Variants in RAD51B observed in about 807,000 individuals in gnomAD.
RAD51B encodes the protein RAD51 paralog B, also known as DNA repair protein RAD51 homolog 2.
In RAD51B, 38 loss-of-function variants were observed where a neutral mutation model predicts 42.2. The observed-to-expected ratio is 0.90, with a 90% CI of 0.70 to 1.18. The LOEUF (loss-of-function observed/expected upper bound fraction) is 1.18, where lower values mean the gene tolerates loss of function less well. RAD51B is among the 50% of genes most tolerant of loss of function. The pLI is 0.00. For missense variants in RAD51B, 373 were observed against 400.7 expected, an observed-to-expected ratio of 0.93 and a Z score of 0.59; for synonymous variants, 154 against 145.2, an observed-to-expected ratio of 1.06 and a Z score of -0.43.
chr14:68,124,381 T>C (rs985514105), intron 7 of RAD51B, among the ~76,000 whole-genome samples: 2 of 152,178 alleles, frequency 1.3e-5, no homozygotes, highest in African/African-American at 4.8e-5. Flanking sequence ...TTAAGAAGAC[T>C]TTGGGTGATT....
chr14:67,825,078 C>CAAAAA (rs56227529), intron 2 of RAD51B, among the ~76,000 whole-genome samples: 8 of 50,548 alleles, frequency 1.6e-4, no homozygotes, highest in South Asian at 1.3e-3. Flanking sequence ...ACTCTTGTCT[C>CAAAAA]AAAAAAAAAA....
At chr14:68,518,556 C>CA (rs1491116752) in intron 10 of RAD51B, among the ~76,000 whole-genome samples, 4 of 96,956 alleles carry the variant, frequency 4.1e-5, no homozygotes, top group South Asian at 3.7e-4. Context: ...TCATATGAGC[C>CA]CCCCCCCCAG....
intron 9 of RAD51B, among the ~76,000 whole-genome samples, chr14:68,439,878 CA>C (rs2085243497): frequency 6.6e-6 from 1 of 152,176 alleles, no homozygotes. Flanking sequence ...TGCACACATC[CA>C]AACCCTGCCC....
chr14:68,221,793 A>G (rs776257673), intron 7 of RAD51B, among the ~76,000 whole-genome samples: 1 of 152,240 alleles, frequency 6.6e-6, no homozygotes, highest in Non-Finnish European at 1.5e-5. Flanking sequence ...TATACATGTG[A>G]CAAAGGACTA....
chr14:68,287,832 C>CG (rs2081441871), intron 7 of RAD51B, among the ~76,000 whole-genome samples: 2 of 152,072 alleles, frequency 1.3e-5, no homozygotes, highest in Non-Finnish European at 2.9e-5. Context: ...TTCCATAGGC[C>CG]GGGTACTGTG....
intron 7 of RAD51B, among the ~76,000 whole-genome samples, chr14:68,149,300 CTA>C (rs947051542): frequency 5.3e-5 from 8 of 151,816 alleles, no homozygotes; most frequent in African/African-American, 1.7e-4. Flanking sequence ...AGATTTTTTT[CTA>C]TGTTATCGTC....
chr14:68,196,245 A>G (rs1055254871), intron 7 of RAD51B, among the ~76,000 whole-genome samples: 9 of 152,140 alleles, frequency 5.9e-5, no homozygotes, highest in Non-Finnish European at 2.9e-5. Context: ...GGCATGATTA[A>G]TTAAATTCAC....
chr14:68,177,800 C>G (rs934378601), intron 7 of RAD51B, among the ~76,000 whole-genome samples: 1 of 152,096 alleles, frequency 6.6e-6, no homozygotes, highest in South Asian at 2.1e-4. Flanking sequence ...GTTTTATGCT[C>G]TCTTGTCTAT....
At chr14:68,673,322 T>C (rs1394698087) in intron 11 of RAD51B, among the ~76,000 whole-genome samples, 2 of 151,944 alleles carry the variant, frequency 1.3e-5, no homozygotes, top group African/African-American at 2.4e-5. Flanking sequence ...TGCACACACA[T>C]ACACACATTG....
chr14:68,073,241 T>C (rs2076782157), intron 7 of RAD51B, among the ~76,000 whole-genome samples: 1 of 152,210 alleles, frequency 6.6e-6, no homozygotes, highest in Non-Finnish European at 1.5e-5. Context: ...TTGTTAAGAC[T>C]TCTTGTTGAT....
At position 68,178,124 on chromosome 14, in the gene RAD51B, A is replaced by G. The variant is rs116238143; in HGVS notation, c.757-113760A>G. Among the ~76,000 whole-genome samples the G allele has an allele frequency of 3.2e-3, 482 of 152,276 alleles. 2 individuals carry two copies. The highest frequency in any genetic ancestry group is 0.011 in the African/African-American group (460 of 41,544). On this transcript the variant is annotated intron_variant, in intron 7 of 10. Transcript: ENST00000471583. ...GAGGCTGCTTCAACAAACAGCAAGTATAAACTGAAACCCTATCTCTTTGCG... is the reference window on the plus strand; with the variant it reads ...GAGGCTGCTTCAACAAACAGCAAGTGTAAACTGAAACCCTATCTCTTTGCG...
At chr14:68,545,740 G>A (rs28672240) in intron 10 of RAD51B, 46,897 of 422,008 alleles carry the variant, frequency 0.11, 3,509 homozygotes, top group African/African-American at 0.26. Flanking sequence ...GAAGGGCTTG[G>A]GATTCACAGA....
At chr14:68,409,355 TG>T (rs1475966896) in intron 8 of RAD51B, among the ~76,000 whole-genome samples, 1 of 152,128 alleles carries the variant, frequency 6.6e-6, no homozygotes. Flanking sequence ...TATCTCTTAG[TG>T]GGGGTGAAGA....
intron 7 of RAD51B, among the ~76,000 whole-genome samples, chr14:68,118,979 CA>C (rs1040312239): frequency 2.0e-5 from 3 of 151,628 alleles, no homozygotes; most frequent in Non-Finnish European, 4.4e-5. Context: ...TTTATTGAGA[CA>C]AAGTCTCACT....
At chr14:67,886,549 A>G (rs1487390390) in intron 6 of RAD51B, 2 of 223,600 alleles carry the variant, frequency 8.9e-6, no homozygotes, top group Non-Finnish European at 8.9e-6. Flanking sequence ...TCCTCAGAGT[A>G]AGTGACCTGA....
downstream of RAD51B, among the ~76,000 whole-genome samples, chr14:68,615,633 C>G (rs1356987367): frequency 6.6e-6 from 1 of 152,216 alleles, no homozygotes; most frequent in African/African-American, 2.4e-5. Flanking sequence ...GCGTGAGCCA[C>G]TGCACCTGGC....
chr14:68,463,293 T>A (rs1275289942), intron 9 of RAD51B, among the ~76,000 whole-genome samples: 1 of 152,180 alleles, frequency 6.6e-6, no homozygotes, highest in East Asian at 1.9e-4. Flanking sequence ...AAGCATCACT[T>A]TTTTTCCTGA....
chr14:68,517,319 A>T (rs547080788), intron 10 of RAD51B, among the ~76,000 whole-genome samples: 3 of 152,190 alleles, frequency 2.0e-5, no homozygotes, highest in Non-Finnish European at 4.4e-5. Flanking sequence ...GCAAGGTTTT[A>T]TAAAATTAAT....
intron 8 of RAD51B, among the ~76,000 whole-genome samples, chr14:68,308,704 T>A (rs1406426251): frequency 7.7e-5 from 8 of 104,306 alleles, no homozygotes; most frequent in African/African-American, 7.6e-5. Flanking sequence ...TCTGTGTCAT[T>A]AAAAAAAAAA....
Sources: gnomAD v4.1 joint callset for allele counts (sites outside exome capture counted in the v4.1 genomes callset) on GRCh38, gnomAD v4.1.1 for gene constraint, MANE v1.5 for transcripts, NCBI Gene and HGNC (gene_info 2026-07-23, HGNC 2026-07-21) for gene names.